LDAF1: variants seen among roughly 807,000 people sequenced by gnomAD.
LDAF1 encodes PROMETHIN.
LDAF1 carries 7 observed loss-of-function variants against 13.5 expected under a neutral mutation model. The ratio of observed to expected loss-of-function variants is 0.52; its 90% CI spans 0.29 to 0.97. LDAF1 has a LOEUF of 0.97. Among genes scored for constraint, LDAF1 ranks in the 50% least tolerant of loss-of-function variants. LDAF1 has a pLI of 0.07. For missense variants in LDAF1, 148 were observed against 193.2 expected (o/e 0.77, Z 1.39); for synonymous variants, 69 against 77.1 (o/e 0.89, Z 0.55).
chr16:21,168,439 A>ATG (rs1484970921), intron 2 of LDAF1, among the ~76,000 whole-genome samples: 1 of 151,510 alleles, frequency 6.6e-6, no homozygotes, highest in East Asian at 1.9e-4. Context: ...TTAGCTTTTA[A>ATG]TGCTTACTAA....
intron 2 of LDAF1, among the ~76,000 whole-genome samples, chr16:21,164,744 C>A (rs2093008001): frequency 6.6e-6 from 1 of 152,202 alleles, no homozygotes; most frequent in Non-Finnish European, 1.5e-5. Context: ...GTGTCTACCT[C>A]CAGGCTGGTG....
chr16:21,168,937 T>C (rs2093057551), intron 2 of LDAF1, among the ~76,000 whole-genome samples: 3 of 129,034 alleles, frequency 2.3e-5, no homozygotes, highest in Non-Finnish European at 3.1e-5. Context: ...TATTTAAATA[T>C]TTATATTTAT....
intron 2 of LDAF1, among the ~76,000 whole-genome samples, chr16:21,161,800 T>A (rs2092977662): frequency 1.3e-5 from 2 of 152,272 alleles, no homozygotes; most frequent in Admixed American, 6.5e-5. Flanking sequence ...AAATATGATG[T>A]GAGTCACGTA....
At chr16:21,159,263 C>T in intron 1 of LDAF1, 2 of 1,393,072 alleles carry the variant, frequency 1.4e-6, no homozygotes, top group East Asian at 2.3e-5. Flanking sequence ...AAGTACTCGA[C>T]TCCCCTCTGA....
At chr16:21,167,623 T>C (rs2093036250) in intron 2 of LDAF1, among the ~76,000 whole-genome samples, 1 of 151,164 alleles carries the variant, frequency 6.6e-6, no homozygotes, top group African/African-American at 2.4e-5. Flanking sequence ...GTTGATGACA[T>C]AAAAGCATTT....
chr16:21,174,231 T>TC, intron 4 of LDAF1, 83 bp downstream of exon 4: 1 of 1,348,744 alleles, frequency 7.4e-7, no homozygotes, highest in Non-Finnish European at 1.0e-6. Flanking sequence ...ACTCTGTCAC[T>TC]CAGGCTGGAG....
chr16:21,178,512 G>A, intron 4 of LDAF1: 1 of 482,490 alleles, frequency 2.1e-6, no homozygotes, highest in Non-Finnish European at 2.7e-6. Context: ...AGACAGCCCA[G>A]GGCTGGTGCA....
chr16:21,161,225 GAACTGC>G lies in LDAF1; in HGVS notation c.45_50del (p.Leu16_Gln17del). 6.2e-7 allele frequency: 1 copy of G among 1,614,206 alleles called. No homozygotes were observed. The highest frequency in any genetic ancestry group is 8.5e-7 in the Non-Finnish European group (1 of 1,180,042). ...CCAGAGTATCTCAAGGGACTTGCAGGAACTGCAGAAGAAGCTGTCTCTGCTGATAGA... is the reference window on the plus strand; with the variant it reads ...CCAGAGTATCTCAAGGGACTTGCAGGAGAAGAAGCTGTCTCTGCTGATAGA... On this transcript the variant is annotated inframe_deletion, in exon 2 of 5. Transcript: ENST00000233047.
intron 2 of LDAF1, among the ~76,000 whole-genome samples, chr16:21,162,924 T>G (rs2092990450): frequency 6.6e-6 from 1 of 152,266 alleles, no homozygotes; most frequent in Non-Finnish European, 1.5e-5. Flanking sequence ...ATTCAGTTGC[T>G]GTGAGCCTCC....
In LDAF1 at chr16:21,174,154, T is replaced by A. The variant is rs566634601; in HGVS notation, c.404+6T>A. 3 of 1,593,394 alleles carry A rather than the reference T, an allele frequency of 1.9e-6. No individual in the cohort carries two copies. The African/African-American group carries it at 4.1e-5, about 22-fold the overall frequency. ...AGCTGCTGGTTTTCTCCCAGGTAAA[T>A]ACATGTCCATGAAATAATTTATTTT... is the stretch of plus-strand genomic sequence containing the variant. On this transcript the variant is annotated splice_donor_region_variant and intron_variant, in intron 4 of 4. Transcript: ENST00000233047.
chr16:21,162,021 G>A (rs2092980473), intron 2 of LDAF1, among the ~76,000 whole-genome samples: 1 of 151,982 alleles, frequency 6.6e-6, no homozygotes, highest in Non-Finnish European at 1.5e-5. Flanking sequence ...AGCAGGTGTG[G>A]TGGTAAGGCC....
chr16:21,173,538 A>AC (rs1253649358), intron 3 of LDAF1, among the ~76,000 whole-genome samples: 2 of 152,066 alleles, frequency 1.3e-5, no homozygotes, highest in African/African-American at 4.8e-5. Flanking sequence ...ACATAGTGAA[A>AC]CCCCATCTCC....
At chr16:21,162,018 G>A (rs1597528297) in intron 2 of LDAF1, among the ~76,000 whole-genome samples, 1 of 152,150 alleles carries the variant, frequency 6.6e-6, no homozygotes, top group East Asian at 1.9e-4. Flanking sequence ...ATGAGCAGGT[G>A]TGGTGGTAAG....
rs2093076224 is a variant in LDAF1, at chr16:21,170,472, CT to C, written c.134del (p.Leu45TrpfsTer41). ...AFMKSPVGQY[L>X]DSHPFLAFTL... Reference sequence around the variant, plus strand: ...TTATGAAGTCTCCAGTGGGTCAGTACTTGGACAGCCATCCGTTTCTGGCCTT... The same window carrying C: ...TTATGAAGTCTCCAGTGGGTCAGTACTGGACAGCCATCCGTTTCTGGCCTT... On this transcript the variant is annotated frameshift_variant, in exon 3 of 5. Transcript: ENST00000233047. LOFTEE classifies it high-confidence loss of function. 6.2e-7 allele frequency: 1 copy of C among 1,614,002 alleles called. No homozygotes were observed. The highest frequency in any genetic ancestry group is 1.3e-5 in the African/African-American group (1 of 74,904).
chr16:21,168,765 AATATTTTTATATTT>A (rs1423406719), intron 2 of LDAF1, among the ~76,000 whole-genome samples: 7 of 131,700 alleles, frequency 5.3e-5, no homozygotes, highest in Non-Finnish European at 1.1e-4. Flanking sequence ...TATAATTATA[AATATTTTTATATTT>A]ATATTTTTAT....
At chr16:21,160,408 T>C (rs2092957017) in intron 1 of LDAF1, among the ~76,000 whole-genome samples, 1 of 152,200 alleles carries the variant, frequency 6.6e-6, no homozygotes, top group Non-Finnish European at 1.5e-5. Context: ...ATTACTGTGG[T>C]GAGGTCTGCC....
intron 4 of LDAF1, among the ~76,000 whole-genome samples, chr16:21,174,857 C>T (rs780071275): frequency 2.7e-4 from 41 of 152,058 alleles, no homozygotes; most frequent in Non-Finnish European, 5.4e-4. Context: ...GTATGGGAGC[C>T]GTGAATCTTC....
At position 21,167,696 on chromosome 16, in the gene LDAF1, G is replaced by GTTTTT. The variant is rs778992036; in HGVS notation, c.97-2732_97-2728dup. Among the ~76,000 whole-genome samples the GTTTTT allele has an allele frequency of 1.9e-4, 17 of 89,100 alleles. 2 individuals carry two copies. In the South Asian group the frequency reaches 2.8e-3, roughly 15 times the overall value. 58.5% of individuals were successfully genotyped at this position (89,100 alleles called of 152,430 possible). On this transcript the variant is annotated intron_variant, in intron 2 of 4. Coordinates refer to ENST00000233047, the MANE Select transcript of LDAF1 (RefSeq NM_001301771.2). The stretch of plus-strand genomic sequence containing the variant: ...ATTCTGAGTCCAAGACCTTAGGTTT[G>GTTTTT]TTTTTTTTTTTTTGAAAAGGAGACT...
chr16:21,170,119 C>T (rs1473216855), intron 2 of LDAF1: 1 of 164,496 alleles, frequency 6.1e-6, no homozygotes, highest in Non-Finnish European at 1.3e-5. Context: ...TCTCCTGCCT[C>T]AGCCTCCCCA....
Sources: allele counts gnomAD v4.1 joint callset (sites outside exome capture counted in the v4.1 genomes callset), GRCh38; gene constraint gnomAD v4.1.1; transcripts MANE v1.5; gene names NCBI Gene and HGNC (gene_info 2026-07-23, HGNC 2026-07-21).